Variants in SCNN1A observed in about 807,000 individuals in gnomAD.
The protein encoded by SCNN1A is epithelial sodium channel subunit alpha.
SCNN1A carries 65 observed loss-of-function variants against 68.6 expected under a neutral mutation model. That is an observed-to-expected ratio of 0.95 (90% CI 0.78 to 1.16). The LOEUF is 1.16. Ranked by LOEUF, SCNN1A falls within the 50% of genes most tolerant of loss-of-function variation. The probability of loss-of-function intolerance (pLI) is 0.00; values close to 1 mark genes in which losing one functional copy is unlikely to be tolerated. For synonymous variants in SCNN1A, 357 were observed against 353.3 expected (o/e 1.01, Z -0.12); for missense variants, 880 against 865.9 (o/e 1.02, Z -0.20).
upstream of SCNN1A, chr12:6,377,120 A>T: frequency 1.1e-5 from 7 of 652,882 alleles, no homozygotes; most frequent in Non-Finnish European, 1.6e-5. Context: ...GCAGGCAAAG[A>T]AGAGAAAAGG....
chr12:6,375,815 G>A (rs1410906674), upstream of SCNN1A: 1 of 1,366,336 alleles, frequency 7.3e-7, no homozygotes, highest in Admixed American at 3.4e-5. Context: ...ACAGCTAGGA[G>A]GGCAACACAA....
At chr12:6,373,934 G>T (rs1215419869) in intron 2 of SCNN1A, among the ~76,000 whole-genome samples, 1 of 152,058 alleles carries the variant, frequency 6.6e-6, no homozygotes, top group East Asian at 1.9e-4. Context: ...GCACGGTCTC[G>T]CCTCCCCTCA....
In SCNN1A at chr12:6,374,189, G is replaced by C. The variant is rs1948851486; in HGVS notation, c.416+179C>G. ...GGTGCTAGGATGGCTCCACTGGGCA[G>C]GGACGCCAGTCCAGTAAGCTGGAGG... On this transcript the variant is annotated intron_variant, in intron 2 of 12. Transcript: ENST00000228916. This position sits in a 1 kb window ranked among gnomAD's most constrained non-coding sequence, Gnocchi z 6.2. Among the ~76,000 whole-genome samples, 1 of 152,200 alleles carries C rather than the reference G, an allele frequency of 6.6e-6. No homozygotes were observed. Among genetic ancestry groups the C allele is most frequent in the Non-Finnish European group, 1.5e-5 (1 of 68,024 alleles).
chr12:6,370,387 C>T (rs1029822937), intron 2 of SCNN1A, among the ~76,000 whole-genome samples: 1 of 152,154 alleles, frequency 6.6e-6, no homozygotes, highest in Non-Finnish European at 1.5e-5. Context: ...TCCCCTCTAG[C>T]CCCTCTTCCG....
intron 8 of SCNN1A, chr12:6,349,783 G>A: frequency 1.3e-5 from 3 of 230,320 alleles, no homozygotes; most frequent in South Asian, 5.3e-5. Context: ...CTAGAGTGCA[G>A]TGGCGCAATC....
intron 2 of SCNN1A, among the ~76,000 whole-genome samples, chr12:6,366,746 G>A (rs1326424563): frequency 6.6e-6 from 1 of 151,514 alleles, no homozygotes; most frequent in Non-Finnish European, 1.5e-5. Context: ...GTTGCAGGGA[G>A]CCAAGATCTC....
In SCNN1A at chr12:6,347,753, C is replaced by T; in HGVS notation, c.*120G>A. ...TTACCCATCTTGCTTCCCCTCCACA[C>T]ATCAACGGCAGTTTGGGCGGCTCTG... On this transcript the variant is annotated 3_prime_UTR_variant, in exon 13 of 13. Transcript: ENST00000228916. 1.2e-6 allele frequency: 1 copy of T among 848,200 alleles called. No homozygotes were observed. Among genetic ancestry groups the T allele is most frequent in the Non-Finnish European group, 1.9e-6 (1 of 514,752 alleles). 52.5% of individuals were successfully genotyped at this position (848,200 alleles called of 1,614,324 possible).
chr12:6,361,604 G>A (rs529780886), intron 4 of SCNN1A, among the ~76,000 whole-genome samples: 4 of 152,260 alleles, frequency 2.6e-5, no homozygotes, highest in Admixed American at 1.3e-4. Context: ...TTAGCCAGGC[G>A]TGGTGGCGCA....
intron 1 of SCNN1A, chr12:6,375,296 C>T (rs965148880): frequency 5.6e-6 from 8 of 1,438,556 alleles, no homozygotes; most frequent in East Asian, 2.5e-5. Context: ...CTTCCTCTCC[C>T]CCCCTTGCCT....
intron 2 of SCNN1A, 196 bp from the exon 3 acceptor site, chr12:6,363,906 G>A: frequency 2.1e-6 from 1 of 476,978 alleles, no homozygotes; most frequent in Non-Finnish European, 3.7e-6. Context: ...GGAAGGCGGA[G>A]GCCACGGCGA....
intron 7 of SCNN1A, 50 bp downstream of exon 7, chr12:6,354,700 G>A: frequency 6.5e-7 from 1 of 1,537,844 alleles, no homozygotes; most frequent in Non-Finnish European, 9.0e-7. Context: ...TGCAGGGCCA[G>A]CCAGGGCAGT....
upstream of SCNN1A, chr12:6,375,908 G>A: frequency 8.4e-7 from 1 of 1,191,188 alleles, no homozygotes; most frequent in Non-Finnish European, 1.0e-6. Context: ...CAATAGAGAG[G>A]GACAGCGAAG....
At position 6,349,403 on chromosome 12, in the gene SCNN1A, A is replaced by G. The variant is rs1948331810; in HGVS notation, c.1363T>C (p.Tyr455His). 3.2e-6 allele frequency: 5 copies of G among 1,584,544 alleles called. No individual in the cohort carries two copies. The South Asian group carries it at 4.6e-5, about 14-fold the overall frequency. ...TCAACCTGGAGCTTATAGTAGCAGT[A>G]CCCTGTGGGTACAGAGAGATGCCTG... is the stretch of plus-strand genomic sequence containing the variant. ...CDYRKHSSWG[Y>H]CYYKLQVDFS... The change falls in exon 9 of 13, where the codon TAC becomes CAC. Residue 455 changes from tyrosine (Y) to histidine (H), a missense_variant and splice_region_variant. Coordinates refer to ENST00000228916, the MANE Select transcript of SCNN1A (RefSeq NM_001038.6).
chr12:6,352,197 A>C (rs770179742), intron 8 of SCNN1A, among the ~76,000 whole-genome samples: 3 of 152,140 alleles, frequency 2.0e-5, no homozygotes. Flanking sequence ...AAATGAGTGA[A>C]ATGTATGGGA....
At chr12:6,353,225 T>C (rs1948420429) in intron 8 of SCNN1A, among the ~76,000 whole-genome samples, 1 of 148,458 alleles carries the variant, frequency 6.7e-6, no homozygotes, top group African/African-American at 2.4e-5. Flanking sequence ...TGTGCCCTTG[T>C]TCAGTTAAAA....
In SCNN1A at chr12:6,348,015, G is replaced by A. The variant is rs1168875267; in HGVS notation, c.1868C>T (p.Ser623Phe). ...AGGGCCTGGCTGGGACAAGGACAGA[G>A]ACATGGGGTGGGGGCAGAAGTGGGA... ...PPSHFCPHPM[S>F]LSLSQPGPAP... The change falls in exon 13 of 13, where the codon TCT becomes TTT. Residue 623 changes from serine to phenylalanine, a missense_variant. Around this residue, in one of 3 missense-constraint regions of SCNN1A, gnomAD observed 758 missense variants for 721.8 expected, o/e 1.05. Coordinates refer to ENST00000228916, the MANE Select transcript of SCNN1A (RefSeq NM_001038.6). 1.3e-6 allele frequency: 2 copies of A among 1,594,202 alleles called. No homozygotes were observed. The highest frequency in any genetic ancestry group is 2.3e-5 in the East Asian group (1 of 43,768).
intron 2 of SCNN1A, among the ~76,000 whole-genome samples, chr12:6,367,739 TAAAG>T (rs1948704596): frequency 6.6e-6 from 1 of 152,170 alleles, no homozygotes; most frequent in Admixed American, 6.5e-5. Context: ...ATGCCTCACT[TAAAG>T]AAAAAAATAC....
intron 8 of SCNN1A, chr12:6,353,779 C>G (rs376808831): frequency 7.8e-6 from 1 of 128,368 alleles, no homozygotes; most frequent in Non-Finnish European, 1.6e-5. Flanking sequence ...TTAGTAGAGA[C>G]GGGGTTTCAC....
intron 2 of SCNN1A, among the ~76,000 whole-genome samples, chr12:6,365,581 C>T (rs1948662370): frequency 6.6e-6 from 1 of 152,150 alleles, no homozygotes; most frequent in African/African-American, 2.4e-5. Context: ...GGCCAAAACA[C>T]CAATTCAATT....
Sources: gnomAD v4.1 joint callset for allele counts (sites outside exome capture counted in the v4.1 genomes callset) on GRCh38, gnomAD v4.1.1 for gene constraint, gnomAD v4.1.1 regional missense constraint, Gnocchi (gnomAD v3.1) non-coding constraint, MANE v1.5 for transcripts, NCBI Gene and HGNC (gene_info 2026-07-23, HGNC 2026-07-21) for gene names.